GET1: variants seen among roughly 807,000 people sequenced by gnomAD.
The protein encoded by GET1 is congenital heart disease 5 protein.
Under a neutral mutation model 22.6 loss-of-function variants are expected in GET1, and 20 were observed. That is an observed-to-expected ratio of 0.89 (90% CI 0.62 to 1.29). GET1 has a LOEUF of 1.29. Ranked by LOEUF, GET1 falls within the 50% of genes most tolerant of loss-of-function variation. The pLI, the probability that GET1 is intolerant of heterozygous loss-of-function variation, is 0.00. For missense variants in GET1, 209 were observed against 219.9 expected (o/e 0.95, Z 0.31); for synonymous variants, 92 against 83.8 (o/e 1.10, Z -0.53).
chr21:39,415,976 C>T (rs949331011), intron 1 of GET1, among the ~76,000 whole-genome samples: 2 of 152,108 alleles, frequency 1.3e-5, no homozygotes, highest in African/African-American at 2.4e-5. Context: ...TGTCAGGAAG[C>T]GCGTATCTCT....
At chr21:39,392,903 T>C (rs932173706) in intron 3 of GET1, 21 of 405,726 alleles carry the variant, frequency 5.2e-5, no homozygotes, top group African/African-American at 3.2e-4. Flanking sequence ...CCAGTTCACA[T>C]AGGAAGGCTC....
At chr21:39,384,334 G>T (rs1020560343) in intron 1 of GET1, among the ~76,000 whole-genome samples, 2 of 151,862 alleles carry the variant, frequency 1.3e-5, no homozygotes, top group Non-Finnish European at 2.9e-5. Flanking sequence ...TCGGCTCACT[G>T]CAACCTCTGC....
chr21:39,391,056 C>G, intron 2 of GET1, 193 bp downstream of exon 2: 1 of 516,376 alleles, frequency 1.9e-6, no homozygotes. Flanking sequence ...GCTTTCTAAG[C>G]ACAGAAATAT....
chr21:39,411,651 A>G, intron 1 of GET1: 1 of 755,990 alleles, frequency 1.3e-6, no homozygotes, highest in Admixed American at 2.5e-5. Flanking sequence ...TATTTTGTCT[A>G]TATAAATTAG....
At chr21:39,419,567 T>C (rs2041935587) in intron 1 of GET1, among the ~76,000 whole-genome samples, 1 of 151,692 alleles carries the variant, frequency 6.6e-6, no homozygotes, top group Admixed American at 6.6e-5. Context: ...AGGGAAATTA[T>C]TGATATAGTG....
At chr21:39,395,828 T>C (rs1206791171) in intron 4 of GET1, among the ~76,000 whole-genome samples, 2 of 152,210 alleles carry the variant, frequency 1.3e-5, no homozygotes, top group Non-Finnish European at 2.9e-5. Flanking sequence ...AGCAGGTCCA[T>C]GGGTCACTCT....
chr21:39,414,697 T>G, intron 1 of GET1, among the ~76,000 whole-genome samples: 1 of 151,008 alleles, frequency 6.6e-6, no homozygotes, highest in Non-Finnish European at 1.5e-5. Flanking sequence ...CAGTACTGCA[T>G]CTGTCTGGTT....
exon 5 of GET1, chr21:39,406,532 G>C: frequency 6.2e-7 from 1 of 1,612,138 alleles, no homozygotes; most frequent in African/African-American, 1.3e-5. Flanking sequence ...TTCTTTTCTT[G>C]GTCTTCTTTT....
chr21:39,408,040 A>G (rs1328476464), downstream of GET1: 1 of 152,240 alleles, frequency 6.6e-6, no homozygotes, highest in Admixed American at 6.5e-5. Context: ...TGCCTAAGGG[A>G]ACACATCTGA....
chr21:39,390,905 T>C (rs764798074), intron 2 of GET1, 42 bp downstream of exon 2: 8 of 1,606,834 alleles, frequency 5.0e-6, no homozygotes, highest in Non-Finnish European at 6.8e-6. Flanking sequence ...TGAGAGCGGA[T>C]GAATAGAGAA....
chr21:39,387,971 A>G, intron 1 of GET1: 1 of 578,486 alleles, frequency 1.7e-6, no homozygotes, highest in Non-Finnish European at 2.2e-6. Flanking sequence ...AACAAACACA[A>G]ATGTGCAGAA....
intron 2 of GET1, 169 bp from the exon 3 acceptor site, chr21:39,391,600 G>T: frequency 6.3e-6 from 4 of 634,120 alleles, no homozygotes; most frequent in South Asian, 1.9e-5. Flanking sequence ...GGCATAATGA[G>T]ATGGTGGGTG....
Position 39,390,043 on chromosome 21 carries a change from T to C in GET1, c.103-655T>C, listed in dbSNP as rs964160771. On this transcript the variant is annotated intron_variant, in intron 1 of 4. Transcript: ENST00000649170. ...GTTTGAATAGCAATTTGAATATGAG[T>C]TTTTTTTTTTTTTTTTTTTGTGGTC... Among the ~76,000 whole-genome samples, 3 of 76,606 alleles carry C rather than the reference T, an allele frequency of 3.9e-5. No individual in the cohort carries two copies. In the East Asian group the frequency reaches 7.3e-4, roughly 19 times the overall value. The allele number at this position is 76,606 out of a possible 152,430, so 50.3% of individuals were successfully genotyped here. A position where few individuals can be genotyped will look rare whatever the true frequency, so the allele number is the denominator to read the frequency against.
chr21:39,389,600 C>T (rs529976719), intron 1 of GET1, among the ~76,000 whole-genome samples: 15 of 152,174 alleles, frequency 9.9e-5, no homozygotes, highest in Non-Finnish European at 1.3e-4. Flanking sequence ...ACCTGGGCTC[C>T]GACCCTGGCA....
chr21:39,380,582 G>A, intron 1 of GET1, 96 bp downstream of exon 1: 1 of 1,529,480 alleles, frequency 6.5e-7, no homozygotes, highest in Non-Finnish European at 8.8e-7. Context: ...CTGGGCGACT[G>A]AAGGCCGTAG....
At chr21:39,409,296 G>T (rs1478114603), downstream of GET1, among the ~76,000 whole-genome samples, 4 of 152,232 alleles carry the variant, frequency 2.6e-5, no homozygotes, top group East Asian at 7.7e-4. This position sits in a 1 kb window ranked among gnomAD's most constrained non-coding sequence, Gnocchi z 4.2. Context: ...GGACTTCCTA[G>T]CCTCCAGAAC....
intron 1 of GET1, among the ~76,000 whole-genome samples, chr21:39,414,705 G>A (rs2040733711): frequency 8.7e-6 from 1 of 115,102 alleles, no homozygotes. Context: ...CATCTGTCTG[G>A]TTCTCTCCCT....
intron 1 of GET1, among the ~76,000 whole-genome samples, chr21:39,383,548 C>G (rs1188498026): frequency 2.0e-5 from 3 of 152,054 alleles, no homozygotes; most frequent in Non-Finnish European, 4.4e-5. Flanking sequence ...TCCCAAAGTG[C>G]TGGGATTACA....
intron 1 of GET1, chr21:39,387,793 G>T: frequency 3.0e-6 from 3 of 985,798 alleles, no homozygotes; most frequent in South Asian, 9.4e-5. Flanking sequence ...GCGACTGGCG[G>T]GTCGCGGCTT....
Sources: gnomAD v4.1 joint callset for allele counts (sites outside exome capture counted in the v4.1 genomes callset) on GRCh38, gnomAD v4.1.1 for gene constraint, Gnocchi (gnomAD v3.1) non-coding constraint, MANE v1.5 for transcripts, NCBI Gene and HGNC (gene_info 2026-07-23, HGNC 2026-07-21) for gene names.